Variants in ZNF83 observed in about 807,000 individuals in gnomAD.
ZNF83 encodes the protein zinc finger protein 816B.
For missense variants in ZNF83, 552 were observed against 629.9 expected (o/e 0.88, Z 1.32); for synonymous variants, 209 against 213.0 (o/e 0.98, Z 0.17).
chr19:52,619,983 A>G (rs928432600), intron 2 of ZNF83, among the ~76,000 whole-genome samples: 5 of 152,180 alleles, frequency 3.3e-5, no homozygotes, highest in Admixed American at 3.3e-4. Flanking sequence ...ATGAGGGTAC[A>G]GGTTGCAGTG....
At chr19:52,666,458 T>C (rs575263567) in intron 1 of ZNF83, among the ~76,000 whole-genome samples, 1 of 152,170 alleles carries the variant, frequency 6.6e-6, no homozygotes, top group South Asian at 2.1e-4. Context: ...TGACAACCCA[T>C]AGCTTACCTA....
chr19:52,634,636 G>A (rs1364480798), intron 2 of ZNF83, among the ~76,000 whole-genome samples: 1 of 152,126 alleles, frequency 6.6e-6, no homozygotes, highest in Non-Finnish European at 1.5e-5. Context: ...AGGGAGAAAA[G>A]ATTTCCCCTT....
In ZNF83 at chr19:52,619,743, C is replaced by T. The variant is rs560619421; in HGVS notation, c.-233-4946G>A. Reference sequence around the variant, plus strand: ...ATGACAACGTCCACAGTGAAATAGCCGGGCTCAATGGCACATGCCTGTAAT... The same window carrying T: ...ATGACAACGTCCACAGTGAAATAGCTGGGCTCAATGGCACATGCCTGTAAT... On this transcript the variant is annotated intron_variant, in intron 2 of 2. Transcript: ENST00000301096. Among the ~76,000 whole-genome samples the T allele has an allele frequency of 1.3e-4, 20 of 152,014 alleles. 1 individual carries two copies. Among genetic ancestry groups the T allele is most frequent in the African/African-American group, 4.1e-4 (17 of 41,468 alleles).
At chr19:52,639,421 T>TTCTTTTC (rs1272810651), upstream of ZNF83, among the ~76,000 whole-genome samples, 1 of 140,228 alleles carries the variant, frequency 7.1e-6, no homozygotes, top group Non-Finnish European at 1.5e-5. Flanking sequence ...TTCTATTTTT[T>TTCTTTTC]TTTTTTTTTT....
chr19:52,681,955 C>T (rs547793934), intron 1 of ZNF83, among the ~76,000 whole-genome samples: 1 of 152,302 alleles, frequency 6.6e-6, no homozygotes, highest in Admixed American at 6.5e-5. Flanking sequence ...CTAAGCAATT[C>T]TCCTGCCTCA....
chr19:52,613,284 T>G, exon 3 of ZNF83: 1 of 1,614,096 alleles, frequency 6.2e-7, no homozygotes, highest in Non-Finnish European at 8.5e-7. Context: ...ATTTATAAGC[T>G]TTTTCTCCAG....
chr19:52,634,878 G>C (rs1036204098), intron 2 of ZNF83, among the ~76,000 whole-genome samples, 188 bp downstream of exon 2: 2 of 152,124 alleles, frequency 1.3e-5, no homozygotes, highest in Non-Finnish European at 2.9e-5. Context: ...CTCTTCCCAA[G>C]TTCATGTGAT....
At chr19:52,614,304 A>G (rs1464039601) in exon 3 of ZNF83, 3 of 1,613,792 alleles carry the variant, frequency 1.9e-6, no homozygotes, top group African/African-American at 1.3e-5. Context: ...CTGTCCCAAT[A>G]TTTGCTTTCT....
chr19:52,620,657 CAAA>C (rs1568535244), intron 2 of ZNF83, among the ~76,000 whole-genome samples: 1 of 152,186 alleles, frequency 6.6e-6, no homozygotes, highest in African/African-American at 2.4e-5. Flanking sequence ...TTACTAAACA[CAAA>C]GAAGAAAACA....
chr19:52,647,856 C>G (rs998363381), intron 3 of ZNF83, among the ~76,000 whole-genome samples: 4 of 151,732 alleles, frequency 2.6e-5, no homozygotes, highest in Non-Finnish European at 5.9e-5. Flanking sequence ...TCTCCCATCT[C>G]TGCACCTCCT....
At chr19:52,666,618 CAAAAAAAAAA>C (rs59937542) in intron 1 of ZNF83, among the ~76,000 whole-genome samples, 7 of 105,798 alleles carry the variant, frequency 6.6e-5, no homozygotes, top group Non-Finnish European at 7.7e-5. Context: ...TATCCTAAGT[CAAAAAAAAAA>C]AAAAAAAAAA....
intron 2 of ZNF83, among the ~76,000 whole-genome samples, chr19:52,615,243 G>A (rs1047847603): frequency 6.6e-5 from 10 of 152,096 alleles, no homozygotes; most frequent in Non-Finnish European, 1.5e-5. Flanking sequence ...ACAACACAAC[G>A]AAGGCACCCA....
intron 3 of ZNF83, among the ~76,000 whole-genome samples, chr19:52,647,961 C>A (rs2061394839): frequency 6.6e-6 from 1 of 151,574 alleles, no homozygotes; most frequent in African/African-American, 2.4e-5. Flanking sequence ...TGCTGTTGTT[C>A]TTCCTCTGTT....
At chr19:52,687,353 C>A (rs7259939) in intron 1 of ZNF83, among the ~76,000 whole-genome samples, 1,275 of 18,032 alleles carry the variant, frequency 0.071, 38 homozygotes, top group African/African-American at 0.17. Context: ...ATTTATATAG[C>A]TATATAAATT....
intron 2 of ZNF83, among the ~76,000 whole-genome samples, chr19:52,622,946 AG>A (rs1325690893): frequency 6.6e-6 from 1 of 152,230 alleles, no homozygotes; most frequent in African/African-American, 2.4e-5. Context: ...CTGCAGCTCC[AG>A]CACACAAGAA....
intron 2 of ZNF83, among the ~76,000 whole-genome samples, chr19:52,660,050 G>T (rs1224989128): frequency 6.6e-6 from 1 of 152,062 alleles, no homozygotes; most frequent in East Asian, 1.9e-4. Flanking sequence ...AATTAGCGGG[G>T]TGTGGTGGTG....
exon 3 of ZNF83, chr19:52,614,308 G>C (rs764039163): frequency 6.2e-7 from 1 of 1,613,702 alleles, no homozygotes; most frequent in Non-Finnish European, 8.5e-7. Flanking sequence ...CCCAATATTT[G>C]CTTTCTCTTT....
intron 1 of ZNF83, among the ~76,000 whole-genome samples, chr19:52,665,541 A>G (rs1312572958): frequency 1.3e-5 from 2 of 152,216 alleles, no homozygotes; most frequent in African/African-American, 2.4e-5. Context: ...CAAAGAATCA[A>G]TGTGTCAGTA....
chr19:52,614,532 C>A, exon 3 of ZNF83: 1 of 1,600,742 alleles, frequency 6.2e-7, no homozygotes, highest in Non-Finnish European at 8.5e-7. Flanking sequence ...TTTTAACAGG[C>A]TGCTTTTGTG....
Sources: gnomAD v4.1 joint callset for allele counts (sites outside exome capture counted in the v4.1 genomes callset) on GRCh38, gnomAD v4.1.1 for gene constraint, MANE v1.5 for transcripts, NCBI Gene and HGNC (gene_info 2026-07-23, HGNC 2026-07-21) for gene names.